The following CPXM2 variants were observed in gnomAD, a reference collection of about 807,000 sequenced individuals.
The protein encoded by CPXM2 is inactive carboxypeptidase-like protein X2.
A neutral mutation model predicts 86.1 loss-of-function variants in CPXM2; 66 were observed. The observed-to-expected ratio is 0.77, with a 90% confidence interval of 0.63 to 0.94. The LOEUF (loss-of-function observed/expected upper bound fraction) is 0.94. Ranked by LOEUF, CPXM2 falls within the 40% of genes least tolerant of loss-of-function variation. The pLI is 0.00. For synonymous variants in CPXM2, 388 were observed against 400.2 expected, an observed-to-expected ratio of 0.97 and a Z score of 0.36; for missense variants, 948 against 1,026.3, an observed-to-expected ratio of 0.92 and a Z score of 1.04.
intron 3 of CPXM2, among the ~76,000 whole-genome samples, chr10:123,857,878 A>G (rs1848771316): frequency 6.6e-6 from 1 of 151,502 alleles, no homozygotes; most frequent in African/African-American, 2.4e-5. Context: ...CATAGACTCC[A>G]CACTCACCCG....
At chr10:123,808,420 G>A (rs11248286) in intron 4 of CPXM2, among the ~76,000 whole-genome samples, 33,188 of 152,008 alleles carry the variant, frequency 0.22, 4,191 homozygotes, top group East Asian at 0.43. Context: ...AAAGAATAGT[G>A]AGTAATGCAC....
At chr10:123,800,544 G>A (rs963924120) in intron 4 of CPXM2, among the ~76,000 whole-genome samples, 12 of 152,086 alleles carry the variant, frequency 7.9e-5, no homozygotes, top group African/African-American at 2.4e-4. Context: ...TGTAGCTGCC[G>A]TTCCTTTGCT....
intron 2 of CPXM2, among the ~76,000 whole-genome samples, chr10:123,870,078 C>G (rs115902299): frequency 6.6e-6 from 1 of 152,120 alleles, no homozygotes. Context: ...GTAACTACTG[C>G]GAGCCAGACT....
intron 8 of CPXM2, among the ~76,000 whole-genome samples, chr10:123,769,900 A>T (rs966064386): frequency 4.6e-5 from 7 of 152,224 alleles, no homozygotes. Flanking sequence ...CGAGCTGACA[A>T]CACATCTCCT....
At position 123,791,141 on chromosome 10, in the gene CPXM2, C is replaced by T. The variant is rs542077007; in HGVS notation, c.889+6835G>A. Among the ~76,000 whole-genome samples, 13 of 152,194 alleles carry T rather than the reference C, an allele frequency of 8.5e-5. No individual in the cohort carries two copies. In the East Asian group the frequency reaches 1.4e-3, roughly 16 times the overall value. On this transcript the variant is annotated intron_variant, in intron 6 of 13. Transcript: ENST00000241305. ...GTGGCTTAAAACAGCAGAAATGGCA[C>T]GGTGGCTCACACCTGTAATCCCAGC...
rs535555455 is a variant in CPXM2, at chr10:123,805,471, AGT to A, written c.654-6274_654-6273del. Among the ~76,000 whole-genome samples the A allele has an allele frequency of 2.3e-3, 350 of 152,278 alleles. 2 individuals are homozygous for A. Among genetic ancestry groups the A allele is most frequent in the African/African-American group, 8.0e-3 (332 of 41,560 alleles). ...ATTCTTTGATTATGAACTATTTAGA[AGT>A]GTGTTGTTTAATGTCTAGGTACTAG... On this transcript the variant is annotated intron_variant, in intron 4 of 13. Coordinates refer to ENST00000241305, the MANE Select transcript of CPXM2 (RefSeq NM_198148.3).
intron 6 of CPXM2, among the ~76,000 whole-genome samples, chr10:123,795,391 T>G (rs1327512073): frequency 6.7e-6 from 1 of 149,420 alleles, no homozygotes; most frequent in African/African-American, 2.5e-5. Context: ...CACCGGAGAG[T>G]TCACAGGAAG....
chr10:123,836,981 C>T (rs1165137669), intron 4 of CPXM2, among the ~76,000 whole-genome samples: 2 of 152,164 alleles, frequency 1.3e-5, no homozygotes, highest in Non-Finnish European at 2.9e-5. Flanking sequence ...CCATCAGCCA[C>T]CCCCCACTAA....
chr10:123,913,331 G>T (rs1945505333), intron 2 of CPXM2, among the ~76,000 whole-genome samples: 2 of 152,170 alleles, frequency 1.3e-5, no homozygotes, highest in Admixed American at 1.3e-4. Context: ...ACTCAAAAGA[G>T]AATATGTATT....
intron 2 of CPXM2, among the ~76,000 whole-genome samples, chr10:123,911,712 A>G (rs1163717887): frequency 1.3e-5 from 2 of 151,872 alleles, no homozygotes; most frequent in Non-Finnish European, 2.9e-5. Context: ...GGGTGCTCAC[A>G]TGTCACTGTG....
chr10:123,768,008 C>T (rs1846524532), intron 9 of CPXM2, among the ~76,000 whole-genome samples: 2 of 152,212 alleles, frequency 1.3e-5, no homozygotes, highest in Admixed American at 6.5e-5. Context: ...ATGTCCACCT[C>T]TCAAGGCCAC....
chr10:123,909,475 C>T (rs1377990892), intron 2 of CPXM2, among the ~76,000 whole-genome samples: 1 of 152,222 alleles, frequency 6.6e-6, no homozygotes, highest in Non-Finnish European at 1.5e-5. Context: ...CACAAGGCTC[C>T]ACCTGACAAG....
At chr10:123,870,579 A>G (rs1944878199) in intron 2 of CPXM2, among the ~76,000 whole-genome samples, 1 of 152,236 alleles carries the variant, frequency 6.6e-6, no homozygotes, top group African/African-American at 2.4e-5. Context: ...ATCTGTCTGC[A>G]GTAGCTCTCT....
chr10:123,866,048 T>A (rs1443211577), intron 2 of CPXM2, among the ~76,000 whole-genome samples: 1 of 152,124 alleles, frequency 6.6e-6, no homozygotes, highest in African/African-American at 2.4e-5. Flanking sequence ...CTGCTCTTTC[T>A]CTTCCCTCTC....
chr10:123,825,630 T>G (rs1414070542), intron 4 of CPXM2, among the ~76,000 whole-genome samples: 1 of 152,250 alleles, frequency 6.6e-6, no homozygotes, highest in Admixed American at 6.5e-5. Context: ...GATGCCCATC[T>G]GTCCTTGTCT....
chr10:123,831,897 A>C (rs1295430213), intron 4 of CPXM2, among the ~76,000 whole-genome samples: 1 of 148,392 alleles, frequency 6.7e-6, no homozygotes, highest in Non-Finnish European at 1.5e-5. Flanking sequence ...AACCATATTC[A>C]CAGGTTCCAA....
chr10:123,817,228 T>C (rs1168629317), intron 4 of CPXM2, among the ~76,000 whole-genome samples: 1 of 152,196 alleles, frequency 6.6e-6, no homozygotes, highest in Non-Finnish European at 1.5e-5. Flanking sequence ...GAGAAGGCTC[T>C]GCAACAGGTC....
intron 2 of CPXM2, among the ~76,000 whole-genome samples, chr10:123,928,721 C>A (rs1452484641): frequency 6.6e-6 from 1 of 152,230 alleles, no homozygotes; most frequent in Non-Finnish European, 1.5e-5. Context: ...TAATAGCCAG[C>A]ATCAAATGTT....
At chr10:123,767,605 T>A (rs928850804) in intron 9 of CPXM2, among the ~76,000 whole-genome samples, 1 of 152,236 alleles carries the variant, frequency 6.6e-6, no homozygotes, top group Non-Finnish European at 1.5e-5. Flanking sequence ...CACATTTCTA[T>A]ACTGTAAAGC....
Sources: gnomAD v4.1 joint callset for allele counts (sites outside exome capture counted in the v4.1 genomes callset) on GRCh38, gnomAD v4.1.1 for gene constraint, MANE v1.5 for transcripts, NCBI Gene and HGNC (gene_info 2026-07-23, HGNC 2026-07-21) for gene names.